Variants in PSMD1 observed in about 807,000 individuals in gnomAD.
PSMD1 encodes the protein proteasome 26S subunit, non-ATPase 1.
Under a neutral mutation model 119.0 loss-of-function variants are expected in PSMD1, and 18 were observed. The observed-to-expected ratio is 0.15, with a 90% CI of 0.10 to 0.22. The LOEUF (loss-of-function observed/expected upper bound fraction) is 0.22. PSMD1 is among the 10% of genes least tolerant of loss of function. The pLI, the probability that PSMD1 is intolerant of heterozygous loss-of-function variation, is 1.00. For synonymous variants in PSMD1, 374 were observed against 396.6 expected (o/e 0.94, Z 0.68); for missense variants, 702 against 1,158.5 (o/e 0.61, Z 5.72).
intron 17 of PSMD1, among the ~76,000 whole-genome samples, chr2:231,144,884 A>G (rs1452514977): frequency 6.6e-6 from 1 of 152,234 alleles, no homozygotes; most frequent in Admixed American, 6.5e-5. Flanking sequence ...AGAGGGTTAT[A>G]TAGCATAATA....
intron 16 of PSMD1, among the ~76,000 whole-genome samples, chr2:231,109,788 T>A (rs989673648): frequency 1.3e-5 from 2 of 152,222 alleles, no homozygotes; most frequent in Non-Finnish European, 2.9e-5. Flanking sequence ...TTTCTTATTA[T>A]CCAGTGTAGT....
intron 16 of PSMD1, chr2:231,108,753 A>T: frequency 6.2e-7 from 1 of 1,614,098 alleles, no homozygotes; most frequent in Non-Finnish European, 8.5e-7. Context: ...GTTTTTACTG[A>T]CTTTGTGGCC....
At chr2:231,167,215 G>T (rs1696805748) in intron 23 of PSMD1, among the ~76,000 whole-genome samples, 1 of 152,048 alleles carries the variant, frequency 6.6e-6, no homozygotes, top group Non-Finnish European at 1.5e-5. Context: ...TCTGCAACCT[G>T]GTTCATCTCG....
chr2:231,086,897 G>A (rs906506851), intron 15 of PSMD1, among the ~76,000 whole-genome samples: 1 of 152,152 alleles, frequency 6.6e-6, no homozygotes, highest in Non-Finnish European at 1.5e-5. Flanking sequence ...GGGCAACATA[G>A]GGAGACCCTG....
rs556813984 is a variant in PSMD1, at chr2:231,073,973, C to T, written c.882-1538C>T. 2.6e-5 allele frequency among the ~76,000 whole-genome samples: 4 copies of T among 151,966 alleles called. No homozygotes were observed. In the South Asian group the frequency reaches 8.3e-4, roughly 32 times the overall value. ...TCATCTGCAGTTAGAGAGCATTTTACTCCTTCTTTTGTAATCTTTATACCT... is the reference window on the plus strand; with the variant it reads ...TCATCTGCAGTTAGAGAGCATTTTATTCCTTCTTTTGTAATCTTTATACCT... On this transcript the variant is annotated intron_variant, in intron 7 of 24. Coordinates refer to ENST00000308696, the MANE Select transcript of PSMD1 (RefSeq NM_002807.4).
chr2:231,077,924 C>T (rs1219485729), intron 9 of PSMD1, among the ~76,000 whole-genome samples: 1 of 152,152 alleles, frequency 6.6e-6, no homozygotes, highest in Admixed American at 6.5e-5. Flanking sequence ...CATATAGTCT[C>T]CATTCATGAC....
At chr2:231,061,433 T>G (rs1156965161) in intron 2 of PSMD1, 123 bp downstream of exon 2, 1 of 719,760 alleles carries the variant, frequency 1.4e-6, no homozygotes, top group Non-Finnish European at 2.2e-6. Flanking sequence ...ACCCAGTTAC[T>G]GTAACCTAGC....
In PSMD1 at chr2:231,072,302, T is replaced by C. The variant is rs1301684423; in HGVS notation, c.768T>C (p.Ala256=). The C allele has an allele frequency of 2.2e-5, 36 of 1,614,070 alleles. No individual in the cohort carries two copies. Among genetic ancestry groups the C allele is most frequent in the Non-Finnish European group, 2.9e-5 (34 of 1,179,906 alleles). Reference sequence around the variant, plus strand: ...TTTGTTTTGATTTGTATGAAAGTGCTAGCCAGCAGTTTTTGTCATCTGTAA... The same window carrying C: ...TTTGTTTTGATTTGTATGAAAGTGCCAGCCAGCAGTTTTTGTCATCTGTAA... ...YQICFDLYES[A]SQQFLSSVIQ... Residue 256 remains alanine (A), a synonymous_variant, in exon 7 of 25, where the codon GCT becomes GCC. Coordinates refer to ENST00000308696, the MANE Select transcript of PSMD1 (RefSeq NM_002807.4).
At position 231,122,748 on chromosome 2, in the gene PSMD1, C is replaced by G. The variant is rs965287192; in HGVS notation, c.1884-15988C>G. On this transcript the variant is annotated intron_variant, in intron 16 of 24. Transcript: ENST00000308696. ...CAATAACTAGGTTTTAATCCACTTA[C>G]CAACTTAGAGGCCTATCAGGAACAC... Among the ~76,000 whole-genome samples the G allele has an allele frequency of 5.3e-5, 8 of 152,144 alleles. No homozygotes were observed. The East Asian group carries it at 1.5e-3, about 29-fold the overall frequency.
intron 7 of PSMD1, among the ~76,000 whole-genome samples, chr2:231,072,815 C>A (rs1031619010): frequency 2.0e-5 from 3 of 152,032 alleles, no homozygotes; most frequent in Non-Finnish European, 4.4e-5. Flanking sequence ...ACTAAATACA[C>A]AAATTTCTAT....
chr2:231,150,018 C>T (rs1318224742), intron 18 of PSMD1, among the ~76,000 whole-genome samples: 1 of 152,082 alleles, frequency 6.6e-6, no homozygotes, highest in African/African-American at 2.4e-5. Flanking sequence ...AAAAATTAGA[C>T]GCTAAATACG....
At chr2:231,128,929 A>G (rs756069057) in intron 16 of PSMD1, among the ~76,000 whole-genome samples, 1 of 151,740 alleles carries the variant, frequency 6.6e-6, no homozygotes, top group Non-Finnish European at 1.5e-5. Context: ...AAAGAATAAG[A>G]TTTTTTTTTG....
chr2:231,083,112 A>G, intron 13 of PSMD1, 118 bp downstream of exon 13: 1 of 802,820 alleles, frequency 1.2e-6, no homozygotes, highest in South Asian at 1.9e-5. Context: ...CTCTAGTTGA[A>G]GAGGAAGTGA....
intron 19 of PSMD1, 70 bp from the exon 20 acceptor site, chr2:231,161,270 C>T (rs1231250494): frequency 1.4e-5 from 18 of 1,283,938 alleles, no homozygotes; most frequent in Non-Finnish European, 1.7e-5. Context: ...AGAAAGATAT[C>T]GTTATTATTG....
intron 6 of PSMD1, 26 bp downstream of exon 6, chr2:231,070,194 T>C: frequency 6.7e-7 from 1 of 1,502,514 alleles, no homozygotes. Flanking sequence ...TATGTTTCAT[T>C]ACATTGCTCC....
At chr2:231,131,370 A>G (rs1240776873) in intron 16 of PSMD1, among the ~76,000 whole-genome samples, 1 of 152,226 alleles carries the variant, frequency 6.6e-6, no homozygotes, top group Non-Finnish European at 1.5e-5. Flanking sequence ...CTGTTCCTTT[A>G]AAAGTTTATA....
intron 16 of PSMD1, among the ~76,000 whole-genome samples, chr2:231,116,180 A>G (rs568187539): frequency 1.3e-5 from 2 of 152,298 alleles, no homozygotes; most frequent in Non-Finnish European, 2.9e-5. Flanking sequence ...CCTTGGACAC[A>G]GGCAGCTTCA....
At chr2:231,158,963 C>A (rs1460093116) in intron 19 of PSMD1, among the ~76,000 whole-genome samples, 1 of 151,838 alleles carries the variant, frequency 6.6e-6, no homozygotes, top group East Asian at 1.9e-4. Context: ...AATTTAAATA[C>A]CTATAGTGGA....
intron 1 of PSMD1, among the ~76,000 whole-genome samples, chr2:231,058,665 G>C (rs1279863787): frequency 6.6e-6 from 1 of 151,962 alleles, no homozygotes; most frequent in African/African-American, 2.4e-5. Flanking sequence ...CTTAACCAAG[G>C]ACCCACATGA....
Sources: allele counts gnomAD v4.1 joint callset (sites outside exome capture counted in the v4.1 genomes callset), GRCh38; gene constraint gnomAD v4.1.1; transcripts MANE v1.5; gene names NCBI Gene and HGNC (gene_info 2026-07-23, HGNC 2026-07-21).